Variants in LRP5 observed in about 807,000 individuals in gnomAD.
The protein encoded by LRP5 is LDL receptor related protein 5.
In LRP5, 62 loss-of-function variants were observed where a neutral mutation model predicts 154.1. The observed-to-expected ratio is 0.40, with a 90% confidence interval of 0.33 to 0.50. The LOEUF (loss-of-function observed/expected upper bound fraction) is 0.50. Ranked by LOEUF, LRP5 falls within the 20% of genes least tolerant of loss-of-function variation. LRP5 has a pLI of 0.55. For missense variants in LRP5, 1,915 were observed against 2,336.7 expected (o/e 0.82, Z 3.72); for synonymous variants, 966 against 1,011.5 (o/e 0.96, Z 0.85).
At chr11:68,303,567 C>G in the LRP5 span, among the ~76,000 whole-genome samples, 1 of 152,168 alleles carries the variant, frequency 6.6e-6, no homozygotes, top group African/African-American at 2.4e-5. Flanking sequence ...GATCTGGGCT[C>G]ACTGCAACCT....
chr11:68,313,506 C>T (rs1291443694), intron 1 of LRP5, among the ~76,000 whole-genome samples: 4 of 152,124 alleles, frequency 2.6e-5, no homozygotes, highest in African/African-American at 7.2e-5. Flanking sequence ...TGTACACTCC[C>T]GTGGGGAGAG....
chr11:68,394,270 A>G (rs943533611), intron 7 of LRP5, among the ~76,000 whole-genome samples: 2 of 152,118 alleles, frequency 1.3e-5, no homozygotes, highest in African/African-American at 4.8e-5. Context: ...AAAGGAAGGA[A>G]TTCCAGATTC....
intron 7 of LRP5, among the ~76,000 whole-genome samples, chr11:68,401,067 G>T (rs1392672420): frequency 6.6e-6 from 1 of 152,234 alleles, no homozygotes; most frequent in Admixed American, 6.5e-5. Flanking sequence ...GCCCGCTACT[G>T]TGAGCCCCTC....
chr11:68,404,744 G>C (rs1387319508), intron 8 of LRP5, among the ~76,000 whole-genome samples: 1 of 152,092 alleles, frequency 6.6e-6, no homozygotes, highest in Non-Finnish European at 1.5e-5. Flanking sequence ...GCCGAGGCGG[G>C]TGGATCATGA....
In LRP5 at chr11:68,438,224, C is replaced by T. The variant is rs557745326; in HGVS notation, c.4112-222C>T. Among the ~76,000 whole-genome samples the T allele has an allele frequency of 4.4e-3, 665 of 152,212 alleles. 1 individual carries two copies. Among genetic ancestry groups the T allele is most frequent in the Middle Eastern group, 0.024 (7 of 294 alleles). On this transcript the variant is annotated intron_variant, in intron 19 of 22. Transcript: ENST00000294304. ...AGGGCTGTGGGGAGTCGGACAGCGGCGGGGGTCAGAGGAGGAGGAGGGTGC... is the reference window on the plus strand; with the variant it reads ...AGGGCTGTGGGGAGTCGGACAGCGGTGGGGGTCAGAGGAGGAGGAGGGTGC...
At chr11:68,341,438 C>G (rs1179229066) in intron 1 of LRP5, among the ~76,000 whole-genome samples, 1 of 152,044 alleles carries the variant, frequency 6.6e-6, no homozygotes, top group East Asian at 1.9e-4. Flanking sequence ...CTGTTGCCCT[C>G]CCTTCTCCTC....
rs1236328842 is a variant in LRP5, at chr11:68,433,627, G to C, written c.3789G>C (p.Gln1263His). 1 of 1,613,554 alleles carries C rather than the reference G, an allele frequency of 6.2e-7. No homozygotes were observed. The highest frequency in any genetic ancestry group is 1.1e-5 in the South Asian group (1 of 91,088). ...CGEPPTCSPD[Q>H]FACATGEIDC... is the part of the protein sequence containing the mutation. ...AGCCGCCCACCTGCTCCCCGGACCA[G>C]TTTGCATGTGCCACAGGGGAGATCG... Residue 1263 changes from glutamine (Q) to histidine (H), a missense_variant, in exon 18 of 23, where the codon CAG becomes CAC. Gln to His is a conservative substitution (Grantham distance 24). This residue lies in a region of LRP5 where 1,094 missense variants were observed against 1,210.1 expected (regional missense o/e 0.90). Coordinates refer to ENST00000294304, the MANE Select transcript of LRP5 (RefSeq NM_002335.4).
At chr11:68,407,325 C>A (rs1406367250) in intron 9 of LRP5, among the ~76,000 whole-genome samples, 2 of 151,872 alleles carry the variant, frequency 1.3e-5, no homozygotes, top group African/African-American at 4.8e-5. Flanking sequence ...TGCACCACCA[C>A]ACCCAGCTAA....
Position 68,416,333 on chromosome 11 carries a change from A to G in LRP5, c.2833A>G (p.Thr945Ala). 2 of 1,613,788 alleles carry G rather than the reference A, an allele frequency of 1.2e-6. No homozygotes were observed. Among genetic ancestry groups the G allele is most frequent in the Non-Finnish European group, 1.7e-6 (2 of 1,179,984 alleles). ...DPSSRNCSPP[T>A]TFLLFSQKSA... ...CCTGTCTTTGCCTCCTCTAGCGCCC[A>G]CCACCTTCTTGCTGTTCAGCCAGAA... is the stretch of plus-strand genomic sequence containing the variant. The change falls in exon 13 of 23, where the codon ACC becomes GCC. Residue 945 changes from threonine (T) to alanine (A), a missense_variant. Thr to Ala is a moderately conservative substitution (Grantham distance 58, BLOSUM62 0). Coordinates refer to ENST00000294304, the MANE Select transcript of LRP5 (RefSeq NM_002335.4).
In LRP5 at chr11:68,386,698, G is replaced by C. The variant is rs1181133431; in HGVS notation, c.1398G>C (p.Leu466=). The C allele has an allele frequency of 6.2e-7, 1 of 1,613,148 alleles. No individual in the cohort carries two copies. The highest frequency in any genetic ancestry group is 1.7e-5 in the Admixed American group (1 of 60,008). ...EDLDEPRAIA[L]HPVMGLMYWT... ...TGGACGAGCCCCGAGCCATCGCACTGCACCCCGTGATGGGGTAAGACGGGC... is the reference window on the plus strand; with the variant it reads ...TGGACGAGCCCCGAGCCATCGCACTCCACCCCGTGATGGGGTAAGACGGGC... The change falls in exon 6 of 23, where the codon CTG becomes CTC. Residue 466 remains leucine (L), a synonymous_variant. Coordinates refer to ENST00000294304, the MANE Select transcript of LRP5 (RefSeq NM_002335.4). The surrounding 1 kb of genome is among the most constrained non-coding windows in gnomAD (Gnocchi z 7.9).
chr11:68,324,427 G>A (rs1484023963), intron 1 of LRP5, among the ~76,000 whole-genome samples: 1 of 152,198 alleles, frequency 6.6e-6, no homozygotes. Flanking sequence ...CCCGGCGTGT[G>A]CCCTGATGGC....
At chr11:68,406,413 G>T in intron 8 of LRP5, 111 bp from the exon 9 acceptor site, 1 of 1,211,368 alleles carries the variant, frequency 8.3e-7, no homozygotes, top group Admixed American at 1.7e-5. Flanking sequence ...TCCTGAGCTC[G>T]GCACCCCTGA....
chr11:68,317,660 C>T (rs919765422), intron 1 of LRP5, among the ~76,000 whole-genome samples: 1 of 152,252 alleles, frequency 6.6e-6, no homozygotes, highest in Non-Finnish European at 1.5e-5. Context: ...CCTGCCCATT[C>T]CCCAGCCCCA....
At chr11:68,420,136 C>T (rs1212685006) in intron 13 of LRP5, among the ~76,000 whole-genome samples, 1 of 152,222 alleles carries the variant, frequency 6.6e-6, no homozygotes, top group African/African-American at 2.4e-5. Context: ...TCAGTCAGTT[C>T]ACGAGGTAAC....
At chr11:68,445,298 C>T (rs2098680794) in intron 21 of LRP5, among the ~76,000 whole-genome samples, 1 of 152,072 alleles carries the variant, frequency 6.6e-6, no homozygotes. Context: ...TGAGGTTTCA[C>T]CATGTTGGCC....
At chr11:68,405,745 T>G (rs1372578666) in intron 8 of LRP5, among the ~76,000 whole-genome samples, 2 of 152,220 alleles carry the variant, frequency 1.3e-5, no homozygotes, top group East Asian at 3.8e-4. Flanking sequence ...ATGAGTGAAA[T>G]TAACAGACTG....
intron 18 of LRP5, 120 bp from the exon 19 acceptor site, chr11:68,436,769 C>T: frequency 2.7e-6 from 2 of 729,262 alleles, no homozygotes; most frequent in Middle Eastern, 2.5e-4. Flanking sequence ...CCCCGCTGGT[C>T]CTAGAAAGGG....
chr11:68,348,563 C>T (rs1463315302), intron 2 of LRP5, among the ~76,000 whole-genome samples: 2 of 145,556 alleles, frequency 1.4e-5, no homozygotes, highest in East Asian at 4.0e-4. Flanking sequence ...TTGGTTCAGG[C>T]CTGTAACCCC....
chr11:68,419,643 G>A (rs1394965952), intron 13 of LRP5, among the ~76,000 whole-genome samples: 4 of 149,866 alleles, frequency 2.7e-5, no homozygotes, highest in South Asian at 2.1e-4. Context: ...AGGTTCAAGC[G>A]ACTCTCCTGC....
Sources: gnomAD v4.1 joint callset for allele counts (sites outside exome capture counted in the v4.1 genomes callset) on GRCh38, gnomAD v4.1.1 for gene constraint, gnomAD v4.1.1 regional missense constraint, Gnocchi (gnomAD v3.1) non-coding constraint, MANE v1.5 for transcripts, NCBI Gene and HGNC (gene_info 2026-07-23, HGNC 2026-07-21) for gene names.